Variants in CYLD observed in about 807,000 individuals in gnomAD.
CYLD encodes the protein CYLD lysine 63 deubiquitinase, also known as ubiquitin carboxyl-terminal hydrolase CYLD.
In CYLD, 26 loss-of-function variants were observed where a neutral mutation model predicts 104.5. That is an observed-to-expected ratio of 0.25 (90% CI 0.18 to 0.35). The LOEUF is 0.35. Ranked by LOEUF, CYLD falls within the 10% of genes least tolerant of loss-of-function variation. The probability of loss-of-function intolerance (pLI) is 1.00; values close to 1 mark genes in which losing one functional copy is unlikely to be tolerated. For missense variants in CYLD, 703 were observed against 1,136.1 expected, an observed-to-expected ratio of 0.62 and a Z score of 5.48; for synonymous variants, 385 against 399.9, an observed-to-expected ratio of 0.96 and a Z score of 0.45.
At position 50,795,887 on chromosome 16, in the gene CYLD, G is replaced by A. The variant is rs60077744; in HGVS notation, c.2687-437G>A. Among the ~76,000 whole-genome samples the A allele has an allele frequency of 3.1e-3, 475 of 152,340 alleles. 5 individuals are homozygous for A. Among genetic ancestry groups the A allele is most frequent in the African/African-American group, 0.011 (445 of 41,572 alleles). On this transcript the variant is annotated intron_variant, in intron 18 of 18. Coordinates refer to ENST00000427738, the MANE Select transcript of CYLD (RefSeq NM_001378743.1). ...GTCAAACAAACTGTATTAGAGTTGC[G>A]TAAGGATGTGTTTAAAGTGTAGGGA...
chr16:50,772,246 A>G (rs936138155), intron 5 of CYLD, among the ~76,000 whole-genome samples: 1 of 152,154 alleles, frequency 6.6e-6, no homozygotes, highest in African/African-American at 2.4e-5. Flanking sequence ...ATCTCTAAGT[A>G]TGGGATAAGA....
chr16:50,755,465 AGT>A (rs944664813), intron 5 of CYLD, among the ~76,000 whole-genome samples: 8 of 152,172 alleles, frequency 5.3e-5, no homozygotes, highest in Non-Finnish European at 1.2e-4. Flanking sequence ...TGTTTTCCAC[AGT>A]GGTTGTACTA....
intron 5 of CYLD, among the ~76,000 whole-genome samples, chr16:50,766,765 G>A (rs1207750265): frequency 2.6e-5 from 4 of 152,186 alleles, no homozygotes; most frequent in Admixed American, 6.5e-5. Context: ...TGTAGATGTG[G>A]TGGAAGTAGC....
rs562836870 is a variant in CYLD, at chr16:50,745,328, G to T, written c.-124+2487G>T. On this transcript the variant is annotated intron_variant, in intron 2 of 18. Coordinates refer to ENST00000427738, the MANE Select transcript of CYLD (RefSeq NM_001378743.1). ...CTGAGTGAATGTGGATTGATGTTGG[G>T]TTTTTTTTTGTGTGTGTTCTCTCTT... 1.1e-4 allele frequency among the ~76,000 whole-genome samples: 15 copies of T among 134,948 alleles called. No homozygotes were observed. In the South Asian group the frequency reaches 3.0e-3, roughly 27 times the overall value. The allele number at this position is 134,948 out of a possible 152,430, so 88.5% of individuals were successfully genotyped here. A position where few individuals can be genotyped will look rare whatever the true frequency, so the allele number is the denominator to read the frequency against.
At chr16:50,782,851 C>T (rs188600290) in intron 11 of CYLD, among the ~76,000 whole-genome samples, 6 of 149,868 alleles carry the variant, frequency 4.0e-5, no homozygotes, top group East Asian at 2.0e-4. Context: ...TTTAAAAAAA[C>T]GATTTTCAGT....
chr16:50,758,989 A>G (rs538967739), intron 5 of CYLD, among the ~76,000 whole-genome samples: 1 of 152,288 alleles, frequency 6.6e-6, no homozygotes, highest in South Asian at 2.1e-4. Context: ...CTGTAATCTC[A>G]GCACTTTAGG....
chr16:50,797,385 C>T lies in CYLD; in HGVS notation c.*877C>T, dbSNP rs1225793714. ...TGGCATATAGAATTATTACAATTTC[C>T]TGGGAGAGATGGATATTTAAACCTC... is the stretch of plus-strand genomic sequence containing the variant. On this transcript the variant is annotated 3_prime_UTR_variant, in exon 19 of 19. Coordinates refer to ENST00000427738, the MANE Select transcript of CYLD (RefSeq NM_001378743.1). 2 of 232,100 alleles carry T rather than the reference C, an allele frequency of 8.6e-6. No individual in the cohort carries two copies. The highest frequency in any genetic ancestry group is 1.7e-5 in the Non-Finnish European group (2 of 117,402). 14.4% of individuals were successfully genotyped at this position (232,100 alleles called of 1,614,324 possible). A position where few individuals can be genotyped will look rare whatever the true frequency, so the allele number is the denominator to read the frequency against.
chr16:50,749,891 G>T lies in CYLD; in HGVS notation c.193G>T (p.Gly65Cys), dbSNP rs773427979. 6.2e-7 allele frequency: 1 copy of T among 1,614,104 alleles called. No individual in the cohort carries two copies. Among genetic ancestry groups the T allele is most frequent in the South Asian group, 1.1e-5 (1 of 91,084 alleles). The part of the protein sequence containing the change: ...VGHSRIPSAK[G>C]KKNQIGLKIL... ...GCATTCAAGGATTCCTTCTGCAAAAGGCAAGAAAAATCAGATTGGATTAAA... is the reference window on the plus strand; with the variant it reads ...GCATTCAAGGATTCCTTCTGCAAAATGCAAGAAAAATCAGATTGGATTAAA... Residue 65 changes from glycine to cysteine, a missense_variant, in exon 3 of 19, where the codon GGC (glycine) becomes TGC (cysteine). This residue lies in a region of CYLD where 142 missense variants were observed against 165.1 expected (regional missense o/e 0.86). Transcript: ENST00000427738.
At chr16:50,763,916 C>T (rs1968216216) in intron 5 of CYLD, among the ~76,000 whole-genome samples, 1 of 152,090 alleles carries the variant, frequency 6.6e-6, no homozygotes, top group East Asian at 1.9e-4. Flanking sequence ...AGAGAAGTTA[C>T]CTACTGTTCC....
chr16:50,795,414 T>G (rs1283613809), intron 18 of CYLD: 5 of 613,830 alleles, frequency 8.1e-6, no homozygotes, highest in African/African-American at 5.5e-5. Flanking sequence ...GATAGTGGGT[T>G]GTAGGTAAGA....
At chr16:50,747,224 A>T (rs1966263623) in intron 2 of CYLD, among the ~76,000 whole-genome samples, 1 of 152,128 alleles carries the variant, frequency 6.6e-6, no homozygotes, top group Non-Finnish European at 1.5e-5. Context: ...TCCTCTTTTC[A>T]CGATTGTTGC....
At chr16:50,769,796 C>G (rs1054615058) in intron 5 of CYLD, among the ~76,000 whole-genome samples, 50 of 152,282 alleles carry the variant, frequency 3.3e-4, no homozygotes, top group African/African-American at 1.2e-3. Context: ...CGCACAAATT[C>G]CCTCTTCCTC....
chr16:50,782,939 T>TTTTG, intron 11 of CYLD, among the ~76,000 whole-genome samples: 1 of 145,806 alleles, frequency 6.9e-6, no homozygotes, highest in Non-Finnish European at 1.5e-5. Flanking sequence ...TTTTTTTTTT[T>TTTTG]TTTGAGACAG....
intron 2 of CYLD, among the ~76,000 whole-genome samples, chr16:50,743,106 T>G (rs1352508240): frequency 6.6e-6 from 1 of 151,982 alleles, no homozygotes; most frequent in Non-Finnish European, 1.5e-5. Flanking sequence ...CACCTTCTTC[T>G]CCTCAATTTT....
intron 5 of CYLD, among the ~76,000 whole-genome samples, chr16:50,768,518 T>A (rs987504382): frequency 1.3e-4 from 20 of 152,320 alleles, no homozygotes; most frequent in African/African-American, 3.8e-4. Flanking sequence ...TTCTAGTCAA[T>A]TGCTTGTAAT....
intron 2 of CYLD, among the ~76,000 whole-genome samples, chr16:50,748,008 T>C (rs1966334711): frequency 6.6e-6 from 1 of 152,250 alleles, no homozygotes; most frequent in East Asian, 1.9e-4. Context: ...AAAGAAGTGT[T>C]CCACTGTGTA....
At chr16:50,755,683 T>C (rs1967150806) in intron 5 of CYLD, among the ~76,000 whole-genome samples, 1 of 152,176 alleles carries the variant, frequency 6.6e-6, no homozygotes, top group African/African-American at 2.4e-5. Flanking sequence ...CTTCTTTTGA[T>C]AATTGTCTAA....
chr16:50,745,265 G>T (rs1378919281), intron 2 of CYLD, among the ~76,000 whole-genome samples: 1 of 150,814 alleles, frequency 6.6e-6, no homozygotes, highest in African/African-American at 2.4e-5. Context: ...TCCTTCAGTT[G>T]TCTTACTGTT....
intron 14 of CYLD, among the ~76,000 whole-genome samples, chr16:50,789,684 T>A (rs1285208407): frequency 1.3e-5 from 2 of 152,284 alleles, no homozygotes; most frequent in East Asian, 3.9e-4. Context: ...AGCATTTCAT[T>A]TTGACAGACA....
Sources: allele counts gnomAD v4.1 joint callset (sites outside exome capture counted in the v4.1 genomes callset), GRCh38; gene constraint gnomAD v4.1.1; regional missense constraint gnomAD v4.1.1; transcripts MANE v1.5; gene names NCBI Gene and HGNC (gene_info 2026-07-23, HGNC 2026-07-21).